Variants in ZNF717 observed in about 807,000 individuals in gnomAD.
The protein encoded by ZNF717 is zinc finger protein 717.
A neutral mutation model predicts 13.8 loss-of-function variants in ZNF717; 9 were observed. The observed-to-expected ratio is 0.65, with a 90% CI of 0.39 to 1.14. The LOEUF is 1.14. ZNF717 is among the 50% of genes most tolerant of loss of function. ZNF717 has a pLI of 0.01. For missense variants in ZNF717, 1,040 were observed against 1,080.7 expected (o/e 0.96, Z 0.53); for synonymous variants, 327 against 364.1 (o/e 0.90, Z 1.16).
At position 75,739,075 on chromosome 3, in the gene ZNF717, C is replaced by T; in HGVS notation, c.548G>A (p.Cys183Tyr). ...TCTGTGGGATCTCCTGGTTATATCA[C>T]AGACATGAGGTTTCTCTCCAGACTG... is the stretch of plus-strand genomic sequence containing the variant. ...ETQSGEKPHV[C>Y]DITRRSHRHH... The change falls in exon 5 of 5, where the codon TGT becomes TAT. Residue 183 changes from cysteine (C) to tyrosine (Y), a missense_variant. Coordinates refer to ENST00000652011, the MANE Select transcript of ZNF717 (RefSeq NM_001290208.3). 6.7e-7 allele frequency: 1 copy of T among 1,490,428 alleles called. No individual in the cohort carries two copies. 92.3% of individuals were successfully genotyped at this position (1,490,428 alleles called of 1,614,324 possible). A position where few individuals can be genotyped will look rare whatever the true frequency, so the allele number is the denominator to read the frequency against.
Position 75,757,149 on chromosome 3 carries a change from T to C in ZNF717, c.58-15413A>G, listed in dbSNP as rs552058491. Among the ~76,000 whole-genome samples the C allele has an allele frequency of 3.9e-5, 6 of 152,384 alleles. No homozygotes were observed. In the East Asian group the frequency reaches 9.6e-4, roughly 24 times the overall value. On this transcript the variant is annotated intron_variant, in intron 2 of 4. Coordinates refer to ENST00000652011, the MANE Select transcript of ZNF717 (RefSeq NM_001290208.3). ...AAGCTGCAGAAAGCTATCTAGAAGA[T>C]AACTGATTAAGATGGCTACACTAAA...
chr3:75,740,694 G>A (rs1210994036), intron 4 of ZNF717, among the ~76,000 whole-genome samples: 248 of 152,098 alleles, frequency 1.6e-3, no homozygotes, highest in Admixed American at 4.7e-3. Flanking sequence ...AGCCAGGTGT[G>A]GTGGCACACA....
At chr3:75,785,072 A>G (rs1483795024) in intron 1 of ZNF717, 2 of 152,236 alleles carry the variant, frequency 1.3e-5, no homozygotes, top group Non-Finnish European at 2.9e-5. Flanking sequence ...TTCACTTGCT[A>G]AAGAGACACC....
At chr3:75,715,560 G>A (rs1324476740) in intron 5 of ZNF717, among the ~76,000 whole-genome samples, 4 of 152,138 alleles carry the variant, frequency 2.6e-5, no homozygotes, top group Admixed American at 1.3e-4. Flanking sequence ...GTACACAATT[G>A]TAAGTCAGGT....
At chr3:75,699,913 C>A (rs1937651508) in intron 6 of ZNF717, among the ~76,000 whole-genome samples, 1 of 146,342 alleles carries the variant, frequency 6.8e-6, no homozygotes. Context: ...ACAAATGAAT[C>A]AAAATGTGTG....
chr3:75,769,834 T>C (rs1024722061), intron 2 of ZNF717, among the ~76,000 whole-genome samples: 5 of 152,200 alleles, frequency 3.3e-5, no homozygotes, highest in African/African-American at 9.7e-5. Context: ...AAATAGGAAG[T>C]GTAATATAAC....
chr3:75,699,223 T>A (rs1247868460), intron 6 of ZNF717, among the ~76,000 whole-genome samples: 27 of 150,540 alleles, frequency 1.8e-4, no homozygotes, highest in African/African-American at 6.5e-4. Context: ...GAACTAGCTT[T>A]GTCTTAGATG....
At chr3:75,751,868 C>T (rs1311181688) in intron 2 of ZNF717, among the ~76,000 whole-genome samples, 4 of 151,858 alleles carry the variant, frequency 2.6e-5, no homozygotes, top group African/African-American at 9.7e-5. Flanking sequence ...TTTCAGAACA[C>T]TACTACGATG....
At chr3:75,779,139 AC>A (rs1267631222) in intron 2 of ZNF717, among the ~76,000 whole-genome samples, 15 of 152,226 alleles carry the variant, frequency 9.9e-5, no homozygotes, top group Non-Finnish European at 1.5e-4. Flanking sequence ...AGAACACAAA[AC>A]AATGGGAGTG....
chr3:75,753,759 A>G (rs1281393163), intron 2 of ZNF717, among the ~76,000 whole-genome samples: 1 of 120,036 alleles, frequency 8.3e-6, no homozygotes, highest in Non-Finnish European at 1.8e-5. Context: ...ATAGGATTCC[A>G]GAACACTTCT....
downstream of ZNF717, among the ~76,000 whole-genome samples, chr3:75,734,368 T>C (rs2918511): frequency 0.83 from 126,754 of 151,866 alleles, 52,877 homozygotes; most frequent in East Asian, 0.89. Flanking sequence ...CACACCTGGC[T>C]TGAATCTACA....
intron 2 of ZNF717, among the ~76,000 whole-genome samples, chr3:75,757,442 T>C (rs1942589386): frequency 6.6e-6 from 1 of 152,244 alleles, no homozygotes; most frequent in Non-Finnish European, 1.5e-5. Flanking sequence ...ACTATCTGTT[T>C]ACAAATATGG....
At chr3:75,723,109 T>G (rs1938200088) in intron 4 of ZNF717, among the ~76,000 whole-genome samples, 1 of 152,220 alleles carries the variant, frequency 6.6e-6, no homozygotes, top group Admixed American at 6.5e-5. Context: ...ATATTGCCCT[T>G]GATCTCCTCA....
intron 2 of ZNF717, among the ~76,000 whole-genome samples, chr3:75,776,235 T>C (rs1944308030): frequency 6.6e-6 from 1 of 152,278 alleles, no homozygotes; most frequent in African/African-American, 2.4e-5. Flanking sequence ...GAGAAAATGA[T>C]CCAAATTAAA....
At chr3:75,741,158 G>A in intron 4 of ZNF717, 118 bp downstream of exon 4, 1 of 678,876 alleles carries the variant, frequency 1.5e-6, no homozygotes, top group Admixed American at 2.2e-5. Flanking sequence ...ATTTAATGCA[G>A]ACCAACAGCC....
intron 2 of ZNF717, among the ~76,000 whole-genome samples, chr3:75,751,949 TGGG>T: frequency 6.6e-6 from 1 of 152,114 alleles, no homozygotes; most frequent in East Asian, 1.9e-4. Context: ...GTCCCTCACA[TGGG>T]ATTCCAGAAC....
intron 2 of ZNF717, among the ~76,000 whole-genome samples, chr3:75,759,688 G>A (rs1559649867): frequency 6.6e-6 from 1 of 151,688 alleles, no homozygotes; most frequent in East Asian, 2.0e-4. Context: ...CCCGCCTCAG[G>A]CTCCTGAGTA....
intron 2 of ZNF717, among the ~76,000 whole-genome samples, chr3:75,742,257 GA>G (rs1487651771): frequency 2.7e-5 from 4 of 149,460 alleles, no homozygotes; most frequent in African/African-American, 9.9e-5. Flanking sequence ...CCAGGAGTTT[GA>G]CAGTGCAGTG....
downstream of ZNF717, among the ~76,000 whole-genome samples, chr3:75,707,409 C>T (rs200419885): frequency 2.6e-5 from 4 of 152,382 alleles, no homozygotes; most frequent in African/African-American, 7.2e-5. Context: ...TCATTGTCCC[C>T]AATACTTACC....
Sources: allele counts gnomAD v4.1 joint callset (sites outside exome capture counted in the v4.1 genomes callset), GRCh38; gene constraint gnomAD v4.1.1; transcripts MANE v1.5; gene names NCBI Gene and HGNC (gene_info 2026-07-23, HGNC 2026-07-21).